The following ROBO1 variants were observed in gnomAD, a reference collection of about 807,000 sequenced individuals.
ROBO1 encodes the protein roundabout guidance receptor 1.
Under a neutral mutation model 195.9 loss-of-function variants are expected in ROBO1, and 149 were observed. That is an observed-to-expected ratio of 0.76 (90% CI 0.67 to 0.87). ROBO1 has a LOEUF of 0.87. Ranked by LOEUF, ROBO1 falls within the 40% of genes least tolerant of loss-of-function variation. The probability of loss-of-function intolerance (pLI) is 0.00; values close to 1 mark genes in which losing one functional copy is unlikely to be tolerated. For missense variants in ROBO1, 1,933 were observed against 2,068.3 expected, an observed-to-expected ratio of 0.93 and a Z score of 1.27; for synonymous variants, 816 against 733.2, an observed-to-expected ratio of 1.11 and a Z score of -1.82.
chr3:79,137,915 C>G (rs994209012), intron 2 of ROBO1, among the ~76,000 whole-genome samples: 19 of 152,046 alleles, frequency 1.2e-4, no homozygotes, highest in Admixed American at 3.3e-4. Context: ...TTTCACAAAT[C>G]TATTTCTGAG....
intron 23 of ROBO1, among the ~76,000 whole-genome samples, chr3:78,635,292 G>A (rs1362343910): frequency 2.0e-5 from 3 of 152,076 alleles, no homozygotes; most frequent in Non-Finnish European, 4.4e-5. Flanking sequence ...ATAACCACAC[G>A]AGGTGGGAGA....
chr3:79,107,341 C>A (rs2079803651), intron 3 of ROBO1, among the ~76,000 whole-genome samples: 1 of 151,774 alleles, frequency 6.6e-6, no homozygotes, highest in Non-Finnish European at 1.5e-5. Context: ...TTTTATCACA[C>A]AAGGATTATC....
chr3:79,406,956 T>C (rs374372425), intron 2 of ROBO1, among the ~76,000 whole-genome samples: 2 of 152,282 alleles, frequency 1.3e-5, no homozygotes, highest in South Asian at 2.1e-4. Flanking sequence ...TCTGGCTCTG[T>C]TGCCCAGACT....
At chr3:79,499,614 A>G (rs143029489) in intron 2 of ROBO1, among the ~76,000 whole-genome samples, 1 of 152,334 alleles carries the variant, frequency 6.6e-6, no homozygotes, top group African/African-American at 2.4e-5. Context: ...AACACAGAAT[A>G]AGATTCGAAA....
chr3:79,742,920 A>C (rs961514932), intron 1 of ROBO1, among the ~76,000 whole-genome samples: 4 of 152,322 alleles, frequency 2.6e-5, no homozygotes, highest in Middle Eastern at 6.8e-3. Flanking sequence ...AAGGTGACCA[A>C]GTGACTTTAA....
At chr3:79,642,371 A>G (rs1945691530) in intron 1 of ROBO1, among the ~76,000 whole-genome samples, 1 of 152,166 alleles carries the variant, frequency 6.6e-6, no homozygotes, top group African/African-American at 2.4e-5. Context: ...AGGAAATGGT[A>G]ACAGAAAACT....
At chr3:79,387,845 GATA>G (rs1559863522) in intron 2 of ROBO1, among the ~76,000 whole-genome samples, 1 of 152,122 alleles carries the variant, frequency 6.6e-6, no homozygotes, top group Non-Finnish European at 1.5e-5. Context: ...ATTAGAGTAG[GATA>G]ATGGCTTTGA....
chr3:78,716,796 A>G (rs972124705), intron 7 of ROBO1, among the ~76,000 whole-genome samples: 1 of 152,130 alleles, frequency 6.6e-6, no homozygotes, highest in African/African-American at 2.4e-5. Flanking sequence ...AGGCTCCCTG[A>G]TTCGTGCATC....
At chr3:79,373,284 T>C (rs1403360600) in intron 2 of ROBO1, among the ~76,000 whole-genome samples, 1 of 152,230 alleles carries the variant, frequency 6.6e-6, no homozygotes, top group African/African-American at 2.4e-5. Flanking sequence ...AAACACGTTT[T>C]TTTTTTCCTT....
At chr3:79,766,928 G>A (rs1705030730) in intron 1 of ROBO1, among the ~76,000 whole-genome samples, 2 of 152,066 alleles carry the variant, frequency 1.3e-5, no homozygotes, top group South Asian at 2.1e-4. Flanking sequence ...TGAAAGATGG[G>A]ACGCACCTTT....
intron 2 of ROBO1, among the ~76,000 whole-genome samples, chr3:79,210,808 T>C (rs1010638119): frequency 6.6e-6 from 1 of 152,110 alleles, no homozygotes; most frequent in South Asian, 2.1e-4. Context: ...TTGTTGAAAA[T>C]GAATTATTTC....
chr3:79,611,813 A>G (rs549939993), intron 1 of ROBO1, among the ~76,000 whole-genome samples: 20 of 152,020 alleles, frequency 1.3e-4, no homozygotes, highest in African/African-American at 2.7e-4. Context: ...GGTGCAGCAA[A>G]CCACCATGGC....
In ROBO1 at chr3:79,402,937, T is replaced by G. The variant is rs150674346; in HGVS notation, c.88+186887A>C. Reference sequence around the variant, plus strand: ...TGAAATTTCTGGTGGAGATTTCTGGTGGAACTCATCGTCTTCTTCCCCACA... The same window carrying G: ...TGAAATTTCTGGTGGAGATTTCTGGGGGAACTCATCGTCTTCTTCCCCACA... On this transcript the variant is annotated intron_variant, in intron 2 of 30. Transcript: ENST00000464233. 4.6e-5 allele frequency among the ~76,000 whole-genome samples: 7 copies of G among 151,948 alleles called. No homozygotes were observed. In the East Asian group the frequency reaches 1.4e-3, roughly 29 times the overall value.
intron 2 of ROBO1, among the ~76,000 whole-genome samples, chr3:79,543,768 G>T (rs936413491): frequency 3.3e-5 from 5 of 151,948 alleles, no homozygotes; most frequent in African/African-American, 1.2e-4. Flanking sequence ...AATTCATCTA[G>T]CTCTTACTAT....
intron 2 of ROBO1, among the ~76,000 whole-genome samples, chr3:79,540,467 C>CGGATAGGATTGG (rs1942022835): frequency 2.6e-5 from 4 of 152,128 alleles, no homozygotes; most frequent in Non-Finnish European, 5.9e-5. Flanking sequence ...TAATTATATC[C>CGGATAGGATTGG]AATCCTATTA....
chr3:78,718,815 G>A (rs6802367), intron 5 of ROBO1, among the ~76,000 whole-genome samples: 5 of 133,458 alleles, frequency 3.7e-5, no homozygotes, highest in African/African-American at 1.2e-4. Context: ...AGGGAGGGAG[G>A]GAGAGAGGGA....
At chr3:79,604,793 GT>G (rs1944434810) in intron 1 of ROBO1, among the ~76,000 whole-genome samples, 1 of 151,488 alleles carries the variant, frequency 6.6e-6, no homozygotes, top group South Asian at 2.1e-4. Context: ...TTATTTTTTT[GT>G]TTTGTTCAAG....
chr3:78,703,695 G>C (rs1166928851), intron 8 of ROBO1, among the ~76,000 whole-genome samples: 1 of 151,842 alleles, frequency 6.6e-6, no homozygotes, highest in Non-Finnish European at 1.5e-5. Flanking sequence ...CTTGAGATTA[G>C]TATTAAGAGT....
At chr3:79,134,355 T>A (rs1273096786) in intron 2 of ROBO1, among the ~76,000 whole-genome samples, 5 of 113,378 alleles carry the variant, frequency 4.4e-5, no homozygotes, top group African/African-American at 1.4e-4. Context: ...CTCACACCAG[T>A]TAGAATGGCA....
Sources: allele counts gnomAD v4.1 joint callset (sites outside exome capture counted in the v4.1 genomes callset), GRCh38; gene constraint gnomAD v4.1.1; transcripts MANE v1.5; gene names NCBI Gene and HGNC (gene_info 2026-07-23, HGNC 2026-07-21).